Variants in DPP8 observed in about 807,000 individuals in gnomAD.
DPP8 encodes the protein dipeptidyl peptidase 8.
In DPP8, 31 loss-of-function variants were observed where a neutral mutation model predicts 107.5. That is an observed-to-expected ratio of 0.29 (90% CI 0.22 to 0.39). The LOEUF is 0.39. DPP8 is among the 10% of genes least tolerant of loss of function. The pLI is 1.00. For synonymous variants in DPP8, 381 were observed against 356.6 expected (o/e 1.07, Z -0.77); for missense variants, 842 against 1,076.1 (o/e 0.78, Z 3.04).
At chr15:65,476,482 G>C (rs1327808070) in intron 11 of DPP8, among the ~76,000 whole-genome samples, 1 of 151,950 alleles carries the variant, frequency 6.6e-6, no homozygotes, top group African/African-American at 2.4e-5. Flanking sequence ...AGACTAAGAG[G>C]GCTATTATTA....
At chr15:65,499,349 C>T (rs2068956210) in intron 4 of DPP8, among the ~76,000 whole-genome samples, 2 of 151,892 alleles carry the variant, frequency 1.3e-5, no homozygotes. Flanking sequence ...TCTCGTGCTT[C>T]AGCCTCCCGA....
rs776158897 is a variant in DPP8, at chr15:65,498,003, T to G, written c.576A>C (p.Glu192Asp). 9 of 1,607,522 alleles carry G rather than the reference T, an allele frequency of 5.6e-6. No homozygotes were observed. The highest frequency in any genetic ancestry group is 1.1e-5 in the South Asian group (1 of 89,624). The change falls in exon 5 of 20, where the codon GAA becomes GAC. Residue 192 changes from glutamate (E) to aspartate (D), a missense_variant. Glu to Asp is a conservative substitution (Grantham distance 45). Around this residue, in one of 2 missense-constraint regions of DPP8, gnomAD observed 663 missense variants for 758.0 expected, o/e 0.87. Transcript: ENST00000300141. ...CCATCCGTATGTTGGGACAACTAGTTTCCACTAGATTGGGCCTTAAAGGTT... is the reference window on the plus strand; with the variant it reads ...CCATCCGTATGTTGGGACAACTAGTGTCCACTAGATTGGGCCTTAAAGGTT... ...TQQPLRPNLVETSCPNIRMDP... is the reference protein window; with the variant it reads ...TQQPLRPNLVDTSCPNIRMDP...
At chr15:65,482,986 A>T (rs933357249) in intron 8 of DPP8, among the ~76,000 whole-genome samples, 1 of 151,826 alleles carries the variant, frequency 6.6e-6, no homozygotes, top group Non-Finnish European at 1.5e-5. Context: ...AGTACCAGCC[A>T]CTCTGGAGGC....
At chr15:65,507,511 T>C (rs1004078070) in intron 2 of DPP8, among the ~76,000 whole-genome samples, 156 bp from the exon 3 acceptor site, 11 of 152,128 alleles carry the variant, frequency 7.2e-5, no homozygotes, top group African/African-American at 2.7e-4. Flanking sequence ...TTATGCCATA[T>C]GCCATAAAAA....
At chr15:65,476,676 A>G (rs2066417121) in intron 11 of DPP8, among the ~76,000 whole-genome samples, 1 of 152,218 alleles carries the variant, frequency 6.6e-6, no homozygotes, top group South Asian at 2.1e-4. Flanking sequence ...TATGATCCAG[A>G]AATTCCACTT....
chr15:65,507,779 A>G lies in DPP8; in HGVS notation c.260-424T>C, dbSNP rs142607109. On this transcript the variant is annotated intron_variant, in intron 2 of 19. Coordinates refer to ENST00000300141, the MANE Select transcript of DPP8 (RefSeq NM_130434.5). The stretch of plus-strand genomic sequence containing the variant: ...AAAGTATGTAAGTTGCTGTGTAGAG[A>G]AAAGTACCATTTTCAGAATTTTTTG... 7.5e-3 allele frequency among the ~76,000 whole-genome samples: 1,147 copies of G among 152,230 alleles called. 14 individuals are homozygous for G. The highest frequency in any genetic ancestry group is 0.026 in the African/African-American group (1,095 of 41,546).
chr15:65,455,938 G>T, intron 16 of DPP8: 1 of 1,033,536 alleles, frequency 9.7e-7, no homozygotes, highest in Non-Finnish European at 1.3e-6. Context: ...CCTCAACTGT[G>T]TACAGGATGC....
chr15:65,499,241 T>TC (rs1260317584), intron 4 of DPP8, among the ~76,000 whole-genome samples: 4 of 151,458 alleles, frequency 2.6e-5, no homozygotes, highest in African/African-American at 9.7e-5. Context: ...CTTTTTTTTT[T>TC]TCTCTCTCTC....
At chr15:65,515,500 A>G (rs967408240) in intron 1 of DPP8, among the ~76,000 whole-genome samples, 2 of 152,190 alleles carry the variant, frequency 1.3e-5, no homozygotes, top group African/African-American at 4.8e-5. Context: ...TAAATGACTT[A>G]ATTCCTGATT....
intron 12 of DPP8, among the ~76,000 whole-genome samples, chr15:65,473,133 C>T (rs2066053853): frequency 6.6e-6 from 1 of 151,732 alleles, no homozygotes; most frequent in South Asian, 2.1e-4. Context: ...TCAAGACCAG[C>T]ATGGCCAACA....
chr15:65,509,233 C>A (rs2070452077), intron 2 of DPP8, among the ~76,000 whole-genome samples: 1 of 152,184 alleles, frequency 6.6e-6, no homozygotes. Flanking sequence ...GGTCACCTAT[C>A]AATACCATTC....
At chr15:65,499,929 G>T (rs756191254) in intron 4 of DPP8, among the ~76,000 whole-genome samples, 1 of 151,514 alleles carries the variant, frequency 6.6e-6, no homozygotes, top group Non-Finnish European at 1.5e-5. Flanking sequence ...ATAAGGTTTT[G>T]GTCTGTCATC....
chr15:65,503,397 T>C (rs148146259), intron 3 of DPP8, among the ~76,000 whole-genome samples: 1,613 of 151,312 alleles, frequency 0.011, 34 homozygotes, highest in African/African-American at 0.038. Flanking sequence ...TGAGCCACCA[T>C]GCCCAGCCTG....
At chr15:65,479,562 T>C (rs1271869698) in intron 10 of DPP8, among the ~76,000 whole-genome samples, 3 of 152,304 alleles carry the variant, frequency 2.0e-5, no homozygotes, top group South Asian at 2.1e-4. Context: ...ATTGGTATAT[T>C]GGCCGGGTGC....
At chr15:65,450,571 G>T (rs600210) in intron 19 of DPP8, among the ~76,000 whole-genome samples, 1 of 152,168 alleles carries the variant, frequency 6.6e-6, no homozygotes, top group African/African-American at 2.4e-5. Flanking sequence ...ATGGAGGAGA[G>T]TAACTTGCTG....
chr15:65,464,117 A>C (rs2065139314), intron 14 of DPP8, among the ~76,000 whole-genome samples: 1 of 152,186 alleles, frequency 6.6e-6, no homozygotes. Context: ...TAATCCCAGC[A>C]CTTTGGGAGG....
At position 65,449,498 on chromosome 15, in the gene DPP8, CT is replaced by C. The variant is rs375165352; in HGVS notation, c.2526+1500del. Among the ~76,000 whole-genome samples the C allele has an allele frequency of 9.7e-4, 147 of 151,968 alleles. 1 individual carries two copies. The highest frequency in any genetic ancestry group is 7.6e-3 in the East Asian group (39 of 5,142). On this transcript the variant is annotated intron_variant, in intron 19 of 19. Coordinates refer to ENST00000300141, the MANE Select transcript of DPP8 (RefSeq NM_130434.5). ...GATCTCGGCTCACTGCAACCTCTGC[CT>C]CCCGGGTTCAAGCAATTCTCATGCC...
At chr15:65,490,669 T>C (rs1357731161) in intron 5 of DPP8, among the ~76,000 whole-genome samples, 1 of 152,130 alleles carries the variant, frequency 6.6e-6, no homozygotes, top group Non-Finnish European at 1.5e-5. Context: ...GAGCACAGTA[T>C]AGGGGACATA....
intron 15 of DPP8, 105 bp from the exon 16 acceptor site, chr15:65,456,476 C>T: frequency 4.4e-6 from 5 of 1,138,508 alleles, no homozygotes; most frequent in Non-Finnish European, 4.9e-6. Flanking sequence ...TATTATTTTA[C>T]CTTTAAAATG....
Sources: allele counts gnomAD v4.1 joint callset (sites outside exome capture counted in the v4.1 genomes callset), GRCh38; gene constraint gnomAD v4.1.1; regional missense constraint gnomAD v4.1.1; transcripts MANE v1.5; gene names NCBI Gene and HGNC (gene_info 2026-07-23, HGNC 2026-07-21).